Variants in ITGB6 observed in about 807,000 individuals in gnomAD.
ITGB6 encodes the protein integrin beta-6.
In ITGB6, 80 loss-of-function variants were observed where a neutral mutation model predicts 84.5. The observed-to-expected ratio is 0.95, with a 90% CI of 0.79 to 1.14. The LOEUF is 1.14. Ranked by LOEUF, ITGB6 falls within the 50% of genes most tolerant of loss-of-function variation. ITGB6 has a pLI of 0.00. For synonymous variants in ITGB6, 383 were observed against 354.9 expected, an observed-to-expected ratio of 1.08 and a Z score of -0.89; for missense variants, 1,006 against 968.0, an observed-to-expected ratio of 1.04 and a Z score of -0.52.
intron 10 of ITGB6, among the ~76,000 whole-genome samples, chr2:160,136,938 T>C (rs1683757148): frequency 6.6e-6 from 1 of 151,220 alleles, no homozygotes; most frequent in Admixed American, 6.6e-5. Flanking sequence ...CATTAGGAGA[T>C]ATACCTAATG....
At chr2:160,196,147 C>T (rs945289234) in intron 3 of ITGB6, 69 bp downstream of exon 3, 15 of 1,258,420 alleles carry the variant, frequency 1.2e-5, no homozygotes, top group Non-Finnish European at 1.7e-5. Context: ...ATACAAGACA[C>T]ATTAGCAAGG....
intron 4 of ITGB6, among the ~76,000 whole-genome samples, chr2:160,183,309 T>C (rs1384687584): frequency 2.0e-5 from 3 of 151,478 alleles, no homozygotes; most frequent in African/African-American, 7.3e-5. Context: ...ATCAAACAAA[T>C]GGAAAGCAAA....
intron 7 of ITGB6, among the ~76,000 whole-genome samples, chr2:160,168,849 G>T (rs1293912656): frequency 1.3e-5 from 2 of 152,108 alleles, no homozygotes; most frequent in African/African-American, 4.8e-5. Flanking sequence ...CCACTCTTAA[G>T]ATTTTCTCTG....
At chr2:160,175,086 C>T (rs540373917) in intron 4 of ITGB6, among the ~76,000 whole-genome samples, 3 of 152,148 alleles carry the variant, frequency 2.0e-5, no homozygotes, top group East Asian at 1.9e-4. Context: ...AAAGGCATAG[C>T]GCCTGGTGAG....
chr2:160,155,365 T>C (rs1684586127), intron 7 of ITGB6, among the ~76,000 whole-genome samples: 1 of 152,192 alleles, frequency 6.6e-6, no homozygotes, highest in Non-Finnish European at 1.5e-5. Flanking sequence ...AACTACTCTG[T>C]ACGATACTAC....
rs377379137 is a variant in ITGB6 at position 160,142,018 on chromosome 2, G to A, written c.1071C>T (p.Ser357=). 5 of 1,609,928 alleles carry A rather than the reference G, an allele frequency of 3.1e-6. No individual in the cohort carries two copies. The highest frequency in any genetic ancestry group is 2.2e-5 in the East Asian group (1 of 44,722). ...GATVGLLQKD[S]GNILQLIISA... ...AGATGATCAGCTGGAGAATGTTTCC[G>A]GAGTCCTTCTGAAGTAGACCTACTG... Residue 357 remains serine (S), a synonymous_variant, in exon 8 of 15, where the codon TCC becomes TCT. Transcript: ENST00000283249.
intron 4 of ITGB6, among the ~76,000 whole-genome samples, chr2:160,186,038 T>C (rs1357809561): frequency 6.6e-6 from 1 of 151,988 alleles, no homozygotes; most frequent in African/African-American, 2.4e-5. Flanking sequence ...ATCTAGGCAA[T>C]ACAATTCAGA....
At position 160,136,715 on chromosome 2, in the gene ITGB6, G is replaced by C. The variant is rs1389887256; in HGVS notation, c.1660+719C>G. ...GCACATATACGCCATGGAATACTAT[G>C]CAGCCTTAAAAAATGATGAGTTCAT... On this transcript the variant is annotated intron_variant, in intron 10 of 14. Transcript: ENST00000283249. Among the ~76,000 whole-genome samples, 5 of 152,312 alleles carry C rather than the reference G, an allele frequency of 3.3e-5. No individual in the cohort carries two copies. In the South Asian group the frequency reaches 1.0e-3, roughly 32 times the overall value.
chr2:160,197,837 C>A (rs966197385), intron 2 of ITGB6, among the ~76,000 whole-genome samples: 4 of 152,216 alleles, frequency 2.6e-5, no homozygotes, highest in Non-Finnish European at 5.9e-5. Context: ...GTGGTGTTAA[C>A]CACATGACCT....
At chr2:160,130,849 G>C (rs1014180895) in intron 10 of ITGB6, among the ~76,000 whole-genome samples, 2 of 152,132 alleles carry the variant, frequency 1.3e-5, no homozygotes, top group Non-Finnish European at 2.9e-5. Flanking sequence ...CAAATGCTTT[G>C]AGAATGCTCA....
At chr2:160,178,115 T>C (rs886361679) in intron 4 of ITGB6, among the ~76,000 whole-genome samples, 2 of 152,230 alleles carry the variant, frequency 1.3e-5, no homozygotes, top group African/African-American at 4.8e-5. Context: ...CCTCAAGTGA[T>C]GCACCCACCT....
intron 12 of ITGB6, among the ~76,000 whole-genome samples, chr2:160,118,417 A>G (rs1223108734): frequency 6.6e-6 from 1 of 152,230 alleles, no homozygotes; most frequent in Non-Finnish European, 1.5e-5. Context: ...CAAAAACCAC[A>G]TGATTATCTC....
chr2:160,124,781 A>G (rs945630810), intron 11 of ITGB6, among the ~76,000 whole-genome samples: 1 of 152,222 alleles, frequency 6.6e-6, no homozygotes, highest in African/African-American at 2.4e-5. Context: ...TCCTTAGGCA[A>G]ACCTTCACTA....
At chr2:160,111,492 G>A (rs1034695408) in intron 13 of ITGB6, among the ~76,000 whole-genome samples, 2 of 151,866 alleles carry the variant, frequency 1.3e-5, no homozygotes, top group Non-Finnish European at 2.9e-5. Context: ...TTTTTCCAGA[G>A]CAAGACTCCA....
chr2:160,106,603 T>C (rs552838029), intron 14 of ITGB6, among the ~76,000 whole-genome samples: 1 of 152,324 alleles, frequency 6.6e-6, no homozygotes, highest in East Asian at 1.9e-4. Context: ...CCAAACAAAA[T>C]CCATACATTG....
chr2:160,169,693 G>A (rs962137010), intron 6 of ITGB6, among the ~76,000 whole-genome samples: 2 of 152,206 alleles, frequency 1.3e-5, no homozygotes, highest in African/African-American at 4.8e-5. Flanking sequence ...CGAGGGAGGG[G>A]CTGTTGGACT....
intron 7 of ITGB6, among the ~76,000 whole-genome samples, chr2:160,162,091 A>G (rs1204870550): frequency 6.6e-6 from 1 of 152,234 alleles, no homozygotes; most frequent in African/African-American, 2.4e-5. Context: ...CATTGAGCTT[A>G]ACAAAGTTTT....
At chr2:160,156,500 T>A (rs1051825700) in intron 7 of ITGB6, among the ~76,000 whole-genome samples, 3 of 151,574 alleles carry the variant, frequency 2.0e-5, no homozygotes, top group Non-Finnish European at 1.5e-5. Context: ...CATGGGGGAG[T>A]GGACCACATT....
In ITGB6 at chr2:160,200,145, G is replaced by GTCTT. The variant is rs1686502759; in HGVS notation, c.-86_-83dup. The GTCTT allele has an allele frequency of 9.2e-7, 1 of 1,084,574 alleles. No individual in the cohort carries two copies. Among genetic ancestry groups the GTCTT allele is most frequent in the African/African-American group, 1.6e-5 (1 of 63,362 alleles). 67.2% of individuals were successfully genotyped at this position (1,084,574 alleles called of 1,614,324 possible). On this transcript the variant is annotated 5_prime_UTR_variant, in exon 1 of 15. It removes the in-frame stop codon of an upstream open reading frame in the 5' UTR. Transcript: ENST00000283249. Reference sequence around the variant, plus strand: ...AAGACCAACGCTGAATATCGTTAAAGTCTTTCTTTCTTGAAGTATAACATT... The same window carrying GTCTT: ...AAGACCAACGCTGAATATCGTTAAAGTCTTTCTTTCTTTCTTGAAGTATAACATT...
Sources: allele counts gnomAD v4.1 joint callset (sites outside exome capture counted in the v4.1 genomes callset), GRCh38; gene constraint gnomAD v4.1.1; transcripts MANE v1.5; gene names NCBI Gene and HGNC (gene_info 2026-07-23, HGNC 2026-07-21).